Variants in CCDC170 observed in about 807,000 individuals in gnomAD.
CCDC170 encodes coiled-coil domain-containing protein 170.
CCDC170 carries 69 observed loss-of-function variants against 72.6 expected under a neutral mutation model. That is an observed-to-expected ratio of 0.95 (90% confidence interval 0.78 to 1.16). CCDC170 has a LOEUF of 1.16. Among genes scored for constraint, CCDC170 ranks in the 50% most tolerant of loss-of-function variants. The pLI is 0.00. For synonymous variants in CCDC170, 300 were observed against 303.9 expected (o/e 0.99, Z 0.13); for missense variants, 852 against 832.5 (o/e 1.02, Z -0.29).
intron 6 of CCDC170, among the ~76,000 whole-genome samples, chr6:151,579,528 C>T (rs149967990): frequency 4.2e-4 from 64 of 152,208 alleles, no homozygotes; most frequent in African/African-American, 1.5e-3. Context: ...CAGCGATCTA[C>T]GTATTAGTGG....
At chr6:151,614,840 T>C (rs1776932788) in intron 9 of CCDC170, among the ~76,000 whole-genome samples, 1 of 152,128 alleles carries the variant, frequency 6.6e-6, no homozygotes, top group Non-Finnish European at 1.5e-5. Context: ...ATACTGTGTG[T>C]TTTGGCTTTA....
At chr6:151,610,306 T>C (rs572485568) in intron 9 of CCDC170, among the ~76,000 whole-genome samples, 78 of 152,344 alleles carry the variant, frequency 5.1e-4, no homozygotes, top group African/African-American at 1.8e-3. Context: ...ACTAGTATGA[T>C]CCATGATCAA....
intron 1 of CCDC170, among the ~76,000 whole-genome samples, chr6:151,521,615 A>G (rs1782316990): frequency 6.6e-6 from 1 of 152,146 alleles, no homozygotes; most frequent in Non-Finnish European, 1.5e-5. Flanking sequence ...CCCAGGACTT[A>G]AGTGACCCAG....
In CCDC170 at chr6:151,538,290, T is replaced by C; in HGVS notation, c.432T>C (p.Asn144=). The C allele has an allele frequency of 6.2e-7, 1 of 1,612,972 alleles. No homozygotes were observed. Among genetic ancestry groups the C allele is most frequent in the Non-Finnish European group, 8.5e-7 (1 of 1,179,650 alleles). The change falls in exon 3 of 11, where the codon AAT becomes AAC. Residue 144 remains asparagine, a synonymous_variant. Coordinates refer to ENST00000239374, the MANE Select transcript of CCDC170 (RefSeq NM_025059.4). ...QELKKKVVEL[N]EKLQKCSKEN... ...TAAAGAAGAAAGTTGTAGAGTTAAA[T>C]GAAAAATTACAGTAAGGATACTGCA... is the stretch of plus-strand genomic sequence containing the variant.
At chr6:151,528,842 T>A (rs1167971173) in intron 1 of CCDC170, among the ~76,000 whole-genome samples, 1 of 151,434 alleles carries the variant, frequency 6.6e-6, no homozygotes. Context: ...TGTCTCAAAA[T>A]ATATATATAT....
At chr6:151,498,601 A>G (rs1350021221) in intron 1 of CCDC170, among the ~76,000 whole-genome samples, 1 of 152,018 alleles carries the variant, frequency 6.6e-6, no homozygotes, top group Middle Eastern at 3.2e-3. Flanking sequence ...CCACCATTCT[A>G]CTTTCTTTCT....
At position 151,538,184 on chromosome 6, in the gene CCDC170, A is replaced by T. The variant is rs768136633; in HGVS notation, c.326A>T (p.Glu109Val). ...TSLRDRVQELEEESAALSTSK... is the reference protein window; with the variant it reads ...TSLRDRVQELVEESAALSTSK... ...TTGAGAGACAGAGTTCAGGAACTAG[A>T]AGAAGAATCAGCAGCACTTTCCACT... is the stretch of plus-strand genomic sequence containing the variant. Residue 109 changes from glutamate (E) to valine (V), a missense_variant, in exon 3 of 11, where the codon GAA (glutamate) becomes GTA (valine). Physicochemically the swap from Glu to Val is moderately radical, Grantham distance 121. Transcript: ENST00000239374. The T allele has an allele frequency of 8.1e-6, 13 of 1,613,920 alleles. No individual in the cohort carries two copies. The highest frequency in any genetic ancestry group is 5.0e-5 in the Admixed American group (3 of 59,996).
In CCDC170 at chr6:151,540,373, C is replaced by CTTTTTTTTTTTTTT. The variant is rs779650559; in HGVS notation, c.443+2088_443+2101dup. On this transcript the variant is annotated intron_variant, in intron 3 of 10. Coordinates refer to ENST00000239374, the MANE Select transcript of CCDC170 (RefSeq NM_025059.4). ...CCTCCTCCTCCTTCTTCTGCTGCTG[C>CTTTTTTTTTTTTTT]TTTTTTTTTTTTTTTTTTTTTTTTT... Among the ~76,000 whole-genome samples, 199 of 37,978 alleles carry CTTTTTTTTTTTTTT rather than the reference C, an allele frequency of 5.2e-3. 61 individuals carry two copies. Among genetic ancestry groups the CTTTTTTTTTTTTTT allele is most frequent in the Non-Finnish European group, 7.5e-3 (154 of 20,508 alleles). The allele number at this position is 37,978 out of a possible 152,430, so 24.9% of individuals were successfully genotyped here. A position where few individuals can be genotyped will look rare whatever the true frequency, so the allele number is the denominator to read the frequency against.
chr6:151,618,358 A>T lies in CCDC170; in HGVS notation c.*211A>T, dbSNP rs1777003776. 2 of 542,032 alleles carry T rather than the reference A, an allele frequency of 3.7e-6. No homozygotes were observed. Among genetic ancestry groups the T allele is most frequent in the Non-Finnish European group, 3.3e-6 (1 of 306,678 alleles). 33.6% of individuals were successfully genotyped at this position (542,032 alleles called of 1,614,324 possible). On this transcript the variant is annotated 3_prime_UTR_variant, in exon 11 of 11. Coordinates refer to ENST00000239374, the MANE Select transcript of CCDC170 (RefSeq NM_025059.4). ...AACGCCTATTATTTCATTTACTAGC[A>T]TTTTAGGATCCAGAAGAATTCCACC...
At chr6:151,529,038 T>C (rs1404166907) in intron 1 of CCDC170, among the ~76,000 whole-genome samples, 1 of 152,164 alleles carries the variant, frequency 6.6e-6, no homozygotes, top group Non-Finnish European at 1.5e-5. Flanking sequence ...CCAATTGTCG[T>C]GTCACCCTCA....
chr6:151,533,143 TCCCAG>T (rs1782516166), intron 1 of CCDC170, among the ~76,000 whole-genome samples: 1 of 147,044 alleles, frequency 6.8e-6, no homozygotes, highest in Non-Finnish European at 1.5e-5. Flanking sequence ...AAGCTCCACC[TCCCAG>T]GTTCATGCCA....
At chr6:151,528,067 G>A (rs1782438749) in intron 1 of CCDC170, among the ~76,000 whole-genome samples, 1 of 152,128 alleles carries the variant, frequency 6.6e-6, no homozygotes, top group Non-Finnish European at 1.5e-5. Context: ...TGAAAAGACT[G>A]TGAGCCACCC....
At chr6:151,551,649 C>G (rs1782880314) in intron 5 of CCDC170, among the ~76,000 whole-genome samples, 1 of 152,158 alleles carries the variant, frequency 6.6e-6, no homozygotes, top group African/African-American at 2.4e-5. Flanking sequence ...GACACTTAGC[C>G]TCCTCTCGGG....
chr6:151,516,382 C>T (rs1239487651), intron 1 of CCDC170, among the ~76,000 whole-genome samples: 1 of 152,098 alleles, frequency 6.6e-6, no homozygotes, highest in Admixed American at 6.6e-5. Context: ...AGTTGGAAGG[C>T]TTAGAATGTT....
intron 1 of CCDC170, among the ~76,000 whole-genome samples, chr6:151,508,659 G>T (rs1271900165): frequency 6.6e-6 from 1 of 152,150 alleles, no homozygotes; most frequent in Non-Finnish European, 1.5e-5. Context: ...GTTGCAGTGA[G>T]CTGAGATCAC....
At chr6:151,540,857 C>T (rs980393602) in intron 3 of CCDC170, among the ~76,000 whole-genome samples, 7 of 152,112 alleles carry the variant, frequency 4.6e-5, no homozygotes, top group South Asian at 2.1e-4. Flanking sequence ...GAGTGGTTTT[C>T]CTGCCTCTGA....
chr6:151,575,431 CAA>C (rs537055596), intron 6 of CCDC170, among the ~76,000 whole-genome samples: 41 of 91,742 alleles, frequency 4.5e-4, no homozygotes, highest in African/African-American at 7.3e-4. Flanking sequence ...AGACTCTGTC[CAA>C]AAAAAAAAAA....
chr6:151,545,551 C>A (rs758989344), intron 4 of CCDC170, among the ~76,000 whole-genome samples: 1 of 152,110 alleles, frequency 6.6e-6, no homozygotes, highest in Admixed American at 6.5e-5. Flanking sequence ...GTATTTGGTT[C>A]TCTTTGGCTA....
intron 4 of CCDC170, among the ~76,000 whole-genome samples, chr6:151,547,337 A>G (rs28523382): frequency 0.014 from 2,115 of 152,330 alleles, 57 homozygotes; most frequent in African/African-American, 0.048. Flanking sequence ...AGAAATAACC[A>G]AATAAATATC....
Sources: gnomAD v4.1 joint callset for allele counts (sites outside exome capture counted in the v4.1 genomes callset) on GRCh38, gnomAD v4.1.1 for gene constraint, MANE v1.5 for transcripts, NCBI Gene and HGNC (gene_info 2026-07-23, HGNC 2026-07-21) for gene names.